Variants in CCDC57 observed in about 807,000 individuals in gnomAD.
CCDC57 encodes coiled-coil domain containing 57.
A neutral mutation model predicts 118.9 loss-of-function variants in CCDC57; 118 were observed. The observed-to-expected ratio is 0.99, with a 90% confidence interval of 0.86 to 1.16. The LOEUF (loss-of-function observed/expected upper bound fraction) is 1.16, where lower values mean the gene tolerates loss of function less well. Among genes scored for constraint, CCDC57 ranks in the 50% most tolerant of loss-of-function variants. CCDC57 has a pLI of 0.00. For missense variants in CCDC57, 1,300 were observed against 1,320.7 expected (o/e 0.98, Z 0.24); for synonymous variants, 527 against 532.9 (o/e 0.99, Z 0.15).
intron 3 of CCDC57, among the ~76,000 whole-genome samples, chr17:82,199,848 C>T (rs1489272596): frequency 3.9e-5 from 6 of 152,132 alleles, no homozygotes; most frequent in African/African-American, 7.2e-5. Flanking sequence ...AGGTGGCACA[C>T]GGGTGTCTAC....
chr17:82,196,527 T>C (rs1439359474), intron 4 of CCDC57, among the ~76,000 whole-genome samples: 2 of 152,196 alleles, frequency 1.3e-5, no homozygotes, highest in African/African-American at 4.8e-5. Context: ...CTGACCTGAC[T>C]GTGGCAAATT....
At chr17:82,210,517 C>CAA (rs763608451) in intron 1 of CCDC57, among the ~76,000 whole-genome samples, 28,193 of 129,790 alleles carry the variant, frequency 0.22, 2,938 homozygotes, top group Non-Finnish European at 0.25. Context: ...ACTAAAAATA[C>CAA]AAAAAAAAAA....
chr17:82,109,819 C>T (rs1270481968), intron 19 of CCDC57, among the ~76,000 whole-genome samples: 4 of 150,668 alleles, frequency 2.7e-5, no homozygotes, highest in African/African-American at 7.3e-5. Flanking sequence ...ATCGCGCCAC[C>T]GCACTCCAGC....
In CCDC57 at chr17:82,200,304, G is replaced by A. The variant is rs111967434; in HGVS notation, c.407+1234C>T. Among the ~76,000 whole-genome samples the A allele has an allele frequency of 7.2e-4, 110 of 152,298 alleles. 2 individuals are homozygous for A. The highest frequency in any genetic ancestry group is 2.3e-3 in the African/African-American group (96 of 41,566). On this transcript the variant is annotated intron_variant, in intron 3 of 19. Coordinates refer to ENST00000665763, the Ensembl canonical transcript of CCDC57. ...ACACGAAGGACAGACACCACAAATCGATCAGGAAGTGCTGGACGCACATTT... is the reference window on the plus strand; with the variant it reads ...ACACGAAGGACAGACACCACAAATCAATCAGGAAGTGCTGGACGCACATTT...
At chr17:82,134,339 G>A (rs2038854962) in intron 16 of CCDC57, 145 bp from the exon 16 acceptor site, 11 of 702,864 alleles carry the variant, frequency 1.6e-5, no homozygotes, top group South Asian at 7.1e-5. Context: ...GGGGAGGGCC[G>A]GACAACAGTG....
rs189979145 is a variant in CCDC57, at chr17:82,105,864, T to G, written c.2900-3998A>C. Among the ~76,000 whole-genome samples the G allele has an allele frequency of 1.0e-2, 1,521 of 152,330 alleles. 24 individuals are homozygous for G. The highest frequency in any genetic ancestry group is 0.035 in the African/African-American group (1,455 of 41,556). ...AGAGGGGAGGGTACTGGACATTGCA[T>G]GCTCCAGGGCTCTGGGCAGTCCTGC... On this transcript the variant is annotated intron_variant, in intron 19 of 19. Coordinates refer to ENST00000665763, the Ensembl canonical transcript of CCDC57.
chr17:82,205,542 T>A (rs2049519688), intron 2 of CCDC57, among the ~76,000 whole-genome samples: 1 of 152,236 alleles, frequency 6.6e-6, no homozygotes, highest in African/African-American at 2.4e-5. Context: ...GCAGCCTTTA[T>A]CTGCCAGTTC....
chr17:82,138,355 A>G (rs1473737585), intron 16 of CCDC57, among the ~76,000 whole-genome samples: 6 of 149,856 alleles, frequency 4.0e-5, no homozygotes, highest in Non-Finnish European at 1.5e-5. Flanking sequence ...TCACCCTGTT[A>G]GCCAGGATGG....
rs1157112174 is a variant in CCDC57 at position 82,118,073 on chromosome 17, C to T, written c.2899+9619G>A. ...TCACAAAACTACCAGAAAGATCTGT[C>T]GGCTCTGTGTGTACTGACATAAAAA... On this transcript the variant is annotated intron_variant, in intron 19 of 19. Coordinates refer to ENST00000665763, the Ensembl canonical transcript of CCDC57. The surrounding 1 kb of genome is among the most constrained non-coding windows in gnomAD (Gnocchi z 4.7). Among the ~76,000 whole-genome samples the T allele has an allele frequency of 4.6e-5, 7 of 152,302 alleles. No individual in the cohort carries two copies. Among genetic ancestry groups the T allele is most frequent in the South Asian group, 4.1e-4 (2 of 4,826 alleles).
At chr17:82,209,172 TTCTG>T (rs2049999717) in intron 1 of CCDC57, among the ~76,000 whole-genome samples, 1 of 152,170 alleles carries the variant, frequency 6.6e-6, no homozygotes, top group South Asian at 2.1e-4. Flanking sequence ...TAGGTCTGAA[TTCTG>T]TCAGTGGCAC....
chr17:82,188,404 G>C (rs2047243011), exon 8 of CCDC57: 3 of 1,611,164 alleles, frequency 1.9e-6, no homozygotes, highest in Non-Finnish European at 2.5e-6. Context: ...TGGCCAGACG[G>C]TCGAGCTCCT....
intron 19 of CCDC57, among the ~76,000 whole-genome samples, chr17:82,123,982 C>CAAAAAAAAA (rs200031813): frequency 4.2e-4 from 27 of 64,218 alleles, no homozygotes; most frequent in African/African-American, 5.5e-4. Context: ...CATCCAAAAG[C>CAAAAAAAAA]AAAAAAAAAA....
intron 15 of CCDC57, chr17:82,155,665 CA>C (rs1368874726): frequency 2.6e-5 from 4 of 152,308 alleles, no homozygotes; most frequent in Non-Finnish European, 5.9e-5. Context: ...ACATAACGGA[CA>C]CATTGATCCT....
At chr17:82,188,301 A>G in exon 8 of CCDC57, 2 of 1,599,210 alleles carry the variant, frequency 1.3e-6, no homozygotes, top group Non-Finnish European at 1.7e-6. Flanking sequence ...AGGGTCTCGC[A>G]GTGGGCCTGC....
At chr17:82,211,714 G>A (rs1007337916) in intron 1 of CCDC57, among the ~76,000 whole-genome samples, 5 of 151,940 alleles carry the variant, frequency 3.3e-5, no homozygotes, top group Admixed American at 2.6e-4. Context: ...CACCATTTTG[G>A]TTTCTTCGCT....
intron 11 of CCDC57, among the ~76,000 whole-genome samples, 198 bp from the exon 11 acceptor site, chr17:82,173,058 A>T (rs572733739): frequency 1.3e-5 from 2 of 151,880 alleles, no homozygotes; most frequent in East Asian, 3.9e-4. Flanking sequence ...AAATTCCTGG[A>T]GCCTTTCATA....
At chr17:82,107,560 C>T (rs1296036581) in intron 19 of CCDC57, 1 of 470,840 alleles carries the variant, frequency 2.1e-6, no homozygotes, top group East Asian at 6.9e-5. Context: ...GGACCTGGCG[C>T]TCGGCACACT....
At chr17:82,167,078 G>A (rs1331397102) in intron 13 of CCDC57, among the ~76,000 whole-genome samples, 1 of 152,104 alleles carries the variant, frequency 6.6e-6, no homozygotes, top group African/African-American at 2.4e-5. Flanking sequence ...AAAAGAAACT[G>A]TCCAATTTGA....
intron 17 of CCDC57, among the ~76,000 whole-genome samples, chr17:82,130,678 T>C (rs1049884941): frequency 1.8e-4 from 25 of 141,224 alleles, no homozygotes; most frequent in African/African-American, 6.1e-4. Flanking sequence ...AATTTTTGTA[T>C]TTTTAGTAGA....
Sources: gnomAD v4.1 joint callset for allele counts (sites outside exome capture counted in the v4.1 genomes callset) on GRCh38, gnomAD v4.1.1 for gene constraint, Gnocchi (gnomAD v3.1) non-coding constraint, MANE v1.5 for transcripts, NCBI Gene and HGNC (gene_info 2026-07-23, HGNC 2026-07-21) for gene names.